NDUFS4: variants seen among roughly 807,000 people sequenced by gnomAD.
The protein encoded by NDUFS4 is NADH:ubiquinone oxidoreductase subunit S4.
NDUFS4 carries 28 observed loss-of-function variants against 24.3 expected under a neutral mutation model. The ratio of observed to expected loss-of-function variants is 1.15; its 90% confidence interval spans 0.85 to 1.58. The LOEUF (loss-of-function observed/expected upper bound fraction) is 1.58, where lower values mean the gene tolerates loss of function less well. Ranked by LOEUF, NDUFS4 falls within the 40% of genes most tolerant of loss-of-function variation. NDUFS4 has a pLI of 0.00. For missense variants in NDUFS4, 223 were observed against 207.9 expected (o/e 1.07, Z -0.45); for synonymous variants, 93 against 69.7 (o/e 1.34, Z -1.67).
chr5:53,677,523 AC>A (rs997718323), intron 4 of NDUFS4, among the ~76,000 whole-genome samples: 88 of 152,010 alleles, frequency 5.8e-4, no homozygotes, highest in African/African-American at 2.1e-3. Context: ...ACTGTACCCC[AC>A]CCCCATATTA....
At chr5:53,638,579 GA>G (rs1470966470) in intron 2 of NDUFS4, among the ~76,000 whole-genome samples, 2 of 151,828 alleles carry the variant, frequency 1.3e-5, no homozygotes, top group Non-Finnish European at 2.9e-5. Context: ...TAGAGGGTTA[GA>G]AAAAAATAAC....
intron 1 of NDUFS4, among the ~76,000 whole-genome samples, chr5:53,570,655 T>G (rs897952924): frequency 1.3e-4 from 20 of 151,862 alleles, no homozygotes; most frequent in African/African-American, 4.3e-4. Context: ...TTTTGCATCC[T>G]TGTTAACATT....
chr5:53,564,176 C>T (rs1296836277), intron 1 of NDUFS4, among the ~76,000 whole-genome samples: 1 of 152,124 alleles, frequency 6.6e-6, no homozygotes, highest in African/African-American at 2.4e-5. Flanking sequence ...ATTATATAAG[C>T]TAGCATGAAA....
intron 1 of NDUFS4, among the ~76,000 whole-genome samples, chr5:53,565,561 C>T (rs754263937): frequency 1.3e-5 from 2 of 152,290 alleles, no homozygotes; most frequent in Non-Finnish European, 1.5e-5. Context: ...GGGAGCATTA[C>T]GCAGTGTTTC....
At chr5:53,632,947 T>A (rs1223034181) in intron 2 of NDUFS4, among the ~76,000 whole-genome samples, 1 of 152,192 alleles carries the variant, frequency 6.6e-6, no homozygotes, top group African/African-American at 2.4e-5. Context: ...ATGTTCTCAA[T>A]TCTCTTTATA....
chr5:53,630,792 C>T (rs993404678), intron 2 of NDUFS4, among the ~76,000 whole-genome samples: 2 of 152,034 alleles, frequency 1.3e-5, no homozygotes. Context: ...AAACTTTTTT[C>T]AAGGTTCTTA....
At chr5:53,680,799 A>C (rs1279822343) in intron 4 of NDUFS4, among the ~76,000 whole-genome samples, 2 of 152,130 alleles carry the variant, frequency 1.3e-5, no homozygotes, top group African/African-American at 2.4e-5. Context: ...TACATATGTA[A>C]CTAACCTGCA....
At chr5:53,667,069 T>G (rs1245260953) in intron 4 of NDUFS4, among the ~76,000 whole-genome samples, 3 of 152,214 alleles carry the variant, frequency 2.0e-5, no homozygotes, top group African/African-American at 7.2e-5. Context: ...TCTGCCTTAT[T>G]TATTTAACAT....
chr5:53,647,672 A>G lies in NDUFS4; in HGVS notation c.350+1267A>G, dbSNP rs73754280. ...GCTGTCATTAGAGAAAACATTAGGC[A>G]GATAAGCTAGAAAATTGTCATTCGT... On this transcript the variant is annotated intron_variant, in intron 3 of 4. Transcript: ENST00000296684. Among the ~76,000 whole-genome samples, 786 of 152,316 alleles carry G rather than the reference A, an allele frequency of 5.2e-3. 7 individuals carry two copies. Among genetic ancestry groups the G allele is most frequent in the African/African-American group, 0.018 (750 of 41,560 alleles).
intron 3 of NDUFS4, among the ~76,000 whole-genome samples, chr5:53,650,288 A>G (rs1751980424): frequency 6.6e-6 from 1 of 152,228 alleles, no homozygotes; most frequent in African/African-American, 2.4e-5. Context: ...AGAAAAAGTA[A>G]TATCTTCCTC....
At chr5:53,630,345 C>T (rs753742505) in intron 2 of NDUFS4, among the ~76,000 whole-genome samples, 8 of 152,080 alleles carry the variant, frequency 5.3e-5, no homozygotes, top group African/African-American at 1.2e-4. Context: ...GTGAATCCTA[C>T]GATTATGTGT....
rs554902341 is a variant in NDUFS4, at chr5:53,679,174, G to A, written c.425-3944G>A. On this transcript the variant is annotated intron_variant, in intron 4 of 4. Transcript: ENST00000296684. ...TGGACTTCCTCATATGCTCCTTTGC[G>A]TTTAGAGAAGCACAGTTGCATGTGC... Among the ~76,000 whole-genome samples the A allele has an allele frequency of 5.5e-4, 84 of 152,186 alleles. 1 individual carries two copies. The highest frequency in any genetic ancestry group is 1.1e-3 in the Non-Finnish European group (73 of 68,010).
chr5:53,657,341 G>A (rs542338651), intron 3 of NDUFS4, among the ~76,000 whole-genome samples: 2 of 152,098 alleles, frequency 1.3e-5, no homozygotes, highest in African/African-American at 4.8e-5. Flanking sequence ...GGGTAGGGGT[G>A]GGTTATGATA....
At chr5:53,654,383 G>T (rs1752103219) in intron 3 of NDUFS4, among the ~76,000 whole-genome samples, 1 of 152,014 alleles carries the variant, frequency 6.6e-6, no homozygotes, top group Non-Finnish European at 1.5e-5. Context: ...TGTGGAATTG[G>T]CCTGATGCAG....
At position 53,643,418 on chromosome 5, in the gene NDUFS4, T is replaced by C. The variant is rs56682747; in HGVS notation, c.178-2815T>C. 7.4e-3 allele frequency among the ~76,000 whole-genome samples: 1,132 copies of C among 152,214 alleles called. 15 individuals carry two copies. The highest frequency in any genetic ancestry group is 0.026 in the African/African-American group (1,081 of 41,560). On this transcript the variant is annotated intron_variant, in intron 2 of 4. Transcript: ENST00000296684. ...ATTTAAATAGTTTGCGGATTTTAAA[T>C]TTTTTTGTGAAAGTTAGATCTCAGG...
At chr5:53,628,610 G>GT (rs546712340) in intron 2 of NDUFS4, among the ~76,000 whole-genome samples, 155 of 152,224 alleles carry the variant, frequency 1.0e-3, no homozygotes, top group African/African-American at 3.6e-3. Flanking sequence ...TTTTGGGAGG[G>GT]TTTATGTGTT....
chr5:53,661,097 T>C (rs1395251801), intron 4 of NDUFS4, among the ~76,000 whole-genome samples: 1 of 152,182 alleles, frequency 6.6e-6, no homozygotes, highest in East Asian at 1.9e-4. Context: ...CTGAATGGTA[T>C]TGCCTAGGTT....
chr5:53,577,589 A>G (rs534465965), intron 1 of NDUFS4, among the ~76,000 whole-genome samples: 53 of 152,122 alleles, frequency 3.5e-4, no homozygotes, highest in Middle Eastern at 3.2e-3. Flanking sequence ...CACTAAAGTA[A>G]ACATCTAATT....
In NDUFS4 at chr5:53,658,609, T is replaced by G; in HGVS notation, c.409T>G (p.Phe137Val). Reference sequence around the variant, plus strand: ...CAGTACTAAAGAAGATGCAGTTTCCTTTGCAGAAAAAAATGGTATGTTTGG... The same window carrying G: ...CAGTACTAAAGAAGATGCAGTTTCCGTTGCAGAAAAAAATGGTATGTTTGG... ...TFSTKEDAVS[F>V]AEKNGWSYDI... The change falls in exon 4 of 5, where the codon TTT becomes GTT. Residue 137 changes from phenylalanine (F) to valine (V), a missense_variant. Transcript: ENST00000296684. 6.2e-7 allele frequency: 1 copy of G among 1,612,484 alleles called. No individual in the cohort carries two copies. The highest frequency in any genetic ancestry group is 8.5e-7 in the Non-Finnish European group (1 of 1,179,190).
Sources: allele counts gnomAD v4.1 joint callset (sites outside exome capture counted in the v4.1 genomes callset), GRCh38; gene constraint gnomAD v4.1.1; transcripts MANE v1.5; gene names NCBI Gene and HGNC (gene_info 2026-07-23, HGNC 2026-07-21).